Variants in OR51B5 observed in about 807,000 individuals in gnomAD.
OR51B5 encodes olfactory receptor family 51 subfamily B member 5.
For synonymous variants in OR51B5, 186 were observed against 144.8 expected (o/e 1.28, Z -2.04); for missense variants, 456 against 374.6 (o/e 1.22, Z -1.79).
At chr11:5,468,271 T>C (rs1851168215) in intron 1 of OR51B5, among the ~76,000 whole-genome samples, 1 of 152,228 alleles carries the variant, frequency 6.6e-6, no homozygotes, top group African/African-American at 2.4e-5. Flanking sequence ...GAGAAGTCAC[T>C]TGTGGCAACC....
At chr11:5,441,378 C>T (rs1392831021) in intron 1 of OR51B5, 2 of 1,613,894 alleles carry the variant, frequency 1.2e-6, no homozygotes, top group Admixed American at 3.3e-5. Context: ...AGTGAGAATG[C>T]TGAGGTTACC....
intron 1 of OR51B5, among the ~76,000 whole-genome samples, chr11:5,429,580 C>T (rs1452988847): frequency 6.6e-6 from 1 of 152,072 alleles, no homozygotes; most frequent in Non-Finnish European, 1.5e-5. Flanking sequence ...AGAAGATGGT[C>T]GTTCCCACTT....
chr11:5,356,473 A>G (rs1412755237), intron 1 of OR51B5, among the ~76,000 whole-genome samples: 1 of 148,236 alleles, frequency 6.7e-6, no homozygotes. Flanking sequence ...ATATGGGACT[A>G]TGTGAAAAGA....
chr11:5,391,942 G>A (rs1045483459), intron 1 of OR51B5: 50 of 152,192 alleles, frequency 3.3e-4, no homozygotes, highest in Admixed American at 2.8e-3. Context: ...GGCGGTGCAC[G>A]TCTGTAGTCT....
At chr11:5,481,940 T>C (rs986465416) in intron 1 of OR51B5, among the ~76,000 whole-genome samples, 4 of 128,736 alleles carry the variant, frequency 3.1e-5, no homozygotes, top group Admixed American at 1.6e-4. Context: ...CCAAGGTAAT[T>C]TACAGATTCA....
intron 1 of OR51B5, among the ~76,000 whole-genome samples, chr11:5,495,988 T>G (rs187711741): frequency 6.6e-6 from 1 of 152,142 alleles, no homozygotes; most frequent in Non-Finnish European, 1.5e-5. Flanking sequence ...AACCTCTCCA[T>G]GAACAGACTC....
chr11:5,392,256 T>C (rs944746919), intron 1 of OR51B5: 1 of 152,236 alleles, frequency 6.6e-6, no homozygotes, highest in African/African-American at 2.4e-5. Flanking sequence ...CCTTACAGGC[T>C]GGCACTCCTT....
chr11:5,347,580 GAT>G (rs1201677987), upstream of OR51B5, among the ~76,000 whole-genome samples: 1 of 152,100 alleles, frequency 6.6e-6, no homozygotes, highest in Admixed American at 6.6e-5. Context: ...AATGCAATGA[GAT>G]AAAATAATTC....
chr11:5,451,548 G>C (rs951075594), intron 1 of OR51B5, among the ~76,000 whole-genome samples: 3 of 152,142 alleles, frequency 2.0e-5, no homozygotes, highest in Non-Finnish European at 4.4e-5. Flanking sequence ...CAACACGGAG[G>C]GACAGCCACT....
chr11:5,389,984 G>T (rs371343610), intron 1 of OR51B5: 4 of 1,612,650 alleles, frequency 2.5e-6, no homozygotes, highest in Middle Eastern at 1.6e-4. Flanking sequence ...GCACCAGGAA[G>T]TGATACAGCT....
Position 5,384,166 on chromosome 11 carries a change from T to C in OR51B5, n.85-37256A>G, listed in dbSNP as rs7927017. Among the ~76,000 whole-genome samples the C allele has an allele frequency of 2.9e-3, 443 of 152,220 alleles. 1 individual carries two copies. Among genetic ancestry groups the C allele is most frequent in the African/African-American group, 0.01 (419 of 41,540 alleles). ...ATTTTTTTTTCTTTGTTTTCTTTTG[T>C]TGTTGTTTCTTTGTTTGTTGTTTTT... On this transcript the variant is annotated intron_variant and non_coding_transcript_variant, in intron 1 of 4. Transcript: ENST00000415970.
At chr11:5,404,574 G>A (rs190687072) in intron 1 of OR51B5, among the ~76,000 whole-genome samples, 2 of 152,158 alleles carry the variant, frequency 1.3e-5, no homozygotes, top group South Asian at 2.1e-4. Flanking sequence ...GATGTGGGCG[G>A]GGCCAAATAA....
At chr11:5,433,463 G>A (rs554511095) in intron 1 of OR51B5, among the ~76,000 whole-genome samples, 14 of 152,176 alleles carry the variant, frequency 9.2e-5, no homozygotes, top group African/African-American at 2.7e-4. Context: ...TGATGTATGA[G>A]TCAGTGATCC....
At chr11:5,440,245 C>T (rs373353714) in intron 1 of OR51B5, among the ~76,000 whole-genome samples, 68 of 152,266 alleles carry the variant, frequency 4.5e-4, no homozygotes, top group African/African-American at 1.5e-3. Context: ...CCCTGCTGAA[C>T]TTCATTATTC....
chr11:5,373,652 A>C (rs936085596), intron 1 of OR51B5, among the ~76,000 whole-genome samples: 1 of 152,232 alleles, frequency 6.6e-6, no homozygotes, highest in African/African-American at 2.4e-5. Context: ...TGACAGGCTT[A>C]GGAAATGGCG....
chr11:5,353,483 G>C (rs1309679801), intron 1 of OR51B5, among the ~76,000 whole-genome samples: 3 of 152,068 alleles, frequency 2.0e-5, no homozygotes, highest in African/African-American at 7.2e-5. Context: ...TGGAGAGTGG[G>C]GAGGAAGGGA....
intron 1 of OR51B5, chr11:5,422,188 A>C (rs1390658411): frequency 6.4e-7 from 1 of 1,568,940 alleles, no homozygotes; most frequent in South Asian, 1.2e-5. Flanking sequence ...ATCTGAAGAC[A>C]CATTCATCAG....
At chr11:5,394,249 A>G (rs6421051) in intron 1 of OR51B5, among the ~76,000 whole-genome samples, 143,325 of 152,022 alleles carry the variant, frequency 0.94, 67,970 homozygotes, top group Non-Finnish European at 0.98. Flanking sequence ...TATGAGATGG[A>G]TACTACTAGA....
At chr11:5,342,399 A>C (rs1848909269), downstream of OR51B5, 1 of 262,578 alleles carries the variant, frequency 3.8e-6, no homozygotes, top group Admixed American at 6.5e-5. Context: ...TGCAACAAAA[A>C]TTTGTACAAA....
Sources: allele counts gnomAD v4.1 joint callset (sites outside exome capture counted in the v4.1 genomes callset), GRCh38; gene constraint gnomAD v4.1.1; transcripts MANE v1.5; gene names NCBI Gene and HGNC (gene_info 2026-07-23, HGNC 2026-07-21).